Variants in NUDT7 observed in about 807,000 individuals in gnomAD.
NUDT7 encodes the protein peroxisomal coenzyme A diphosphatase NUDT7.
Under a neutral mutation model 13.1 loss-of-function variants are expected in NUDT7, and 19 were observed. The ratio of observed to expected loss-of-function variants is 1.45; its 90% CI spans 1.01 to 2.13. The LOEUF is 2.13. Among genes scored for constraint, NUDT7 ranks in the 30% most tolerant of loss-of-function variants. NUDT7 has a pLI of 0.00. For missense variants in NUDT7, 360 were observed against 291.7 expected (o/e 1.23, Z -1.71); for synonymous variants, 132 against 109.7 (o/e 1.20, Z -1.27).
intron 2 of NUDT7, among the ~76,000 whole-genome samples, chr16:77,730,272 C>T (rs1426224336): frequency 6.6e-6 from 1 of 152,110 alleles, no homozygotes; most frequent in Non-Finnish European, 1.5e-5. Flanking sequence ...CCAACATCTC[C>T]CCAACCTCCC....
chr16:77,741,594 A>G lies in NUDT7; in HGVS notation c.361A>G (p.Ile121Val). The change falls in exon 4 of 4, where the codon ATA becomes GTA. Residue 121 changes from isoleucine (I) to valine (V), a missense_variant. By Grantham distance (29) the Ile-to-Val change is conservative. Transcript: ENST00000268533. The part of the protein sequence containing the change: ...VPCLIDTDTL[I>V]TPFVGLIDHN... ...TTTCTGCTTTTAGACAGATACATTG[A>G]TAACTCCATTTGTGGGTTTAATAGA... The G allele has an allele frequency of 6.2e-7, 1 of 1,606,366 alleles. No homozygotes were observed. The highest frequency in any genetic ancestry group is 8.5e-7 in the Non-Finnish European group (1 of 1,177,680).
intron 1 of NUDT7, 119 bp downstream of exon 1, chr16:77,722,736 G>C (rs373226331): frequency 9.5e-6 from 9 of 944,890 alleles, no homozygotes; most frequent in African/African-American, 4.9e-5. Flanking sequence ...GTCCACCTGC[G>C]AGCGCCGGAT....
intron 3 of NUDT7, among the ~76,000 whole-genome samples, chr16:77,739,013 C>A (rs1376122527): frequency 6.6e-6 from 1 of 152,126 alleles, no homozygotes; most frequent in Admixed American, 6.5e-5. Context: ...ACTAGGTGCC[C>A]GTAAGTTGTG....
intron 2 of NUDT7, among the ~76,000 whole-genome samples, chr16:77,732,335 A>AAAAAAG (rs111333106): frequency 3.1e-4 from 47 of 151,418 alleles, no homozygotes; most frequent in Admixed American, 2.0e-3. Flanking sequence ...TCAAAAAAAA[A>AAAAAAG]AAAGAAAAAG....
At chr16:77,736,245 A>T (rs2145123668) in intron 3 of NUDT7, 1 of 374,410 alleles carries the variant, frequency 2.7e-6, no homozygotes, top group Non-Finnish European at 4.8e-6. Flanking sequence ...GATGCCATAG[A>T]ACCCTAGAGA....
At chr16:77,722,735 C>T in intron 1 of NUDT7, 118 bp downstream of exon 1, 4 of 947,226 alleles carry the variant, frequency 4.2e-6, no homozygotes, top group Non-Finnish European at 6.6e-6. Context: ...AGTCCACCTG[C>T]GAGCGCCGGA....
intron 2 of NUDT7, among the ~76,000 whole-genome samples, chr16:77,730,169 C>G (rs80281095): frequency 0.091 from 13,791 of 152,180 alleles, 668 homozygotes; most frequent in East Asian, 0.15. Flanking sequence ...CAGCAATTTT[C>G]AAGAATACAG....
rs572636151 is a variant in NUDT7, at chr16:77,741,701, G to A, written c.468G>A (p.Gln156=). 5.6e-6 allele frequency: 9 copies of A among 1,614,126 alleles called. No homozygotes were observed. The highest frequency in any genetic ancestry group is 2.2e-5 in the East Asian group (1 of 44,878). ...LVPLAYFLHP[Q]VHDQHYVTRL... is the part of the protein sequence containing the mutation. ...CTCTGGCCTATTTCCTGCATCCACA[G>A]GTCCATGACCAGCATTACGTCACAC... Residue 156 remains glutamine (Q), a synonymous_variant, in exon 4 of 4, where the codon CAG becomes CAA. Coordinates refer to ENST00000268533, the MANE Select transcript of NUDT7 (RefSeq NM_001105663.3).
In NUDT7 at chr16:77,741,988, T is replaced by C. The variant is rs1051919072; in HGVS notation, c.*38T>C. The C allele has an allele frequency of 1.3e-6, 2 of 1,529,720 alleles. No homozygotes were observed. The highest frequency in any genetic ancestry group is 1.7e-6 in the Non-Finnish European group (2 of 1,145,448). The allele number at this position is 1,529,720 out of a possible 1,614,324, so 94.8% of individuals were successfully genotyped here. On this transcript the variant is annotated 3_prime_UTR_variant, in exon 4 of 4. Coordinates refer to ENST00000268533, the MANE Select transcript of NUDT7 (RefSeq NM_001105663.3). ...AGAGACAAAGAACTATTCACGAGGA[T>C]TCTGTGTGTGCTTATTCGTAGAACA...
At chr16:77,736,644 T>A (rs940937499) in intron 3 of NUDT7, 4 of 248,534 alleles carry the variant, frequency 1.6e-5, no homozygotes, top group South Asian at 4.0e-5. Context: ...ATTTTTTTTT[T>A]TATAGAGATG....
chr16:77,730,991 G>C (rs941980861), intron 2 of NUDT7, among the ~76,000 whole-genome samples: 2 of 151,844 alleles, frequency 1.3e-5, no homozygotes, highest in Admixed American at 1.3e-4. Flanking sequence ...CCCCTTTTCA[G>C]ATGTATGGTT....
chr16:77,727,593 G>A (rs2014178767), intron 2 of NUDT7, among the ~76,000 whole-genome samples: 1 of 152,234 alleles, frequency 6.6e-6, no homozygotes, highest in African/African-American at 2.4e-5. Flanking sequence ...GGTGGCTCAC[G>A]CCTGTAATCC....
rs752453740 is a variant in NUDT7, at chr16:77,741,926, TA to T, written c.699del (p.Ala234LeufsTer46). 1.2e-6 allele frequency: 2 copies of T among 1,603,514 alleles called. No individual in the cohort carries two copies. The highest frequency in any genetic ancestry group is 2.7e-5 in the African/African-American group (2 of 74,338). ...SSEELFLKVH[K>X]KATSRL ...CTGAAGAGTTATTCCTGAAGGTTCA[TA>T]AAAAAGCTACAAGCAGGTTATGATT... On this transcript the variant is annotated frameshift_variant, in exon 4 of 4. Transcript: ENST00000268533. LOFTEE classifies it high-confidence loss of function.
intron 3 of NUDT7, among the ~76,000 whole-genome samples, chr16:77,738,516 A>C (rs1039854890): frequency 6.6e-6 from 1 of 152,196 alleles, no homozygotes; most frequent in African/African-American, 2.4e-5. Context: ...AGCATAATCT[A>C]ATCTACGTGG....
rs145891359 is a variant in NUDT7, at chr16:77,741,929, A to C, written c.696A>C (p.Lys232Asn). 1.3e-5 allele frequency: 21 copies of C among 1,603,496 alleles called. No individual in the cohort carries two copies. Among genetic ancestry groups the C allele is most frequent in the Non-Finnish European group, 1.7e-5 (20 of 1,175,342 alleles). Residue 232 changes from lysine (K) to asparagine (N), a missense_variant, in exon 4 of 4, where the codon AAA becomes AAC. Lys to Asn is a moderately conservative substitution (Grantham distance 94, BLOSUM62 0). Transcript: ENST00000268533. ...SSEELFLKVH[K>N]KATSRL is the part of the protein sequence containing the mutation. ...AAGAGTTATTCCTGAAGGTTCATAA[A>C]AAAGCTACAAGCAGGTTATGATTTA... is the stretch of plus-strand genomic sequence containing the variant.
intron 2 of NUDT7, among the ~76,000 whole-genome samples, chr16:77,729,580 T>A (rs1211754670): frequency 6.6e-6 from 1 of 152,112 alleles, no homozygotes; most frequent in African/African-American, 2.4e-5. Flanking sequence ...AATCCCAGCA[T>A]TTTGAGAGGC....
chr16:77,725,398 C>G, intron 1 of NUDT7, 33 bp from the exon 2 acceptor site: 2 of 1,589,944 alleles, frequency 1.3e-6, no homozygotes, highest in South Asian at 2.3e-5. Context: ...ACTCTGCTTG[C>G]TAAAATGTCT....
At position 77,725,522 on chromosome 16, in the gene NUDT7, C is replaced by A; in HGVS notation, c.127C>A (p.Leu43Ile). 1 of 1,614,134 alleles carries A rather than the reference C, an allele frequency of 6.2e-7. No homozygotes were observed. The stretch of plus-strand genomic sequence containing the variant: ...CTTGCCATATAACAAATACTCCGTC[C>A]TTTTGCCATTGGTGGCTAAAGAAGG... ...SHLPYNKYSV[L>I]LPLVAKEGKL... Residue 43 changes from leucine to isoleucine, a missense_variant, in exon 2 of 4, where the codon CTT becomes ATT. Physicochemically the swap from Leu to Ile is conservative, Grantham distance 5. Transcript: ENST00000268533.
Position 77,725,534 on chromosome 16 carries a change from G to T in NUDT7, c.139G>T (p.Val47Leu). ...YNKYSVLLPL[V>L]AKEGKLHLLF... is the part of the protein sequence containing the mutation. ...CAAATACTCCGTCCTTTTGCCATTG[G>T]TGGCTAAAGAAGGAAAACTCCATTT... The change falls in exon 2 of 4, where the codon GTG becomes TTG. Residue 47 changes from valine (V) to leucine (L), a missense_variant. Coordinates refer to ENST00000268533, the MANE Select transcript of NUDT7 (RefSeq NM_001105663.3). The T allele has an allele frequency of 6.2e-7, 1 of 1,614,034 alleles. No individual in the cohort carries two copies. The highest frequency in any genetic ancestry group is 8.5e-7 in the Non-Finnish European group (1 of 1,179,966).
Sources: allele counts gnomAD v4.1 joint callset (sites outside exome capture counted in the v4.1 genomes callset), GRCh38; gene constraint gnomAD v4.1.1; transcripts MANE v1.5; gene names NCBI Gene and HGNC (gene_info 2026-07-23, HGNC 2026-07-21).